The following PRR11 variants were observed in gnomAD, a reference collection of about 807,000 sequenced individuals.
PRR11 encodes the protein proline rich 11.
In PRR11, 30 loss-of-function variants were observed where a neutral mutation model predicts 45.6. The ratio of observed to expected loss-of-function variants is 0.66; its 90% CI spans 0.49 to 0.89. The LOEUF is 0.89. PRR11 is among the 40% of genes least tolerant of loss of function. PRR11 has a pLI of 0.00. For missense variants in PRR11, 373 were observed against 424.8 expected, an observed-to-expected ratio of 0.88 and a Z score of 1.07; for synonymous variants, 128 against 153.5, an observed-to-expected ratio of 0.83 and a Z score of 1.23.
chr17:59,197,099 G>A (rs1054794453), intron 7 of PRR11, among the ~76,000 whole-genome samples: 5 of 151,648 alleles, frequency 3.3e-5, no homozygotes, highest in Admixed American at 1.3e-4. Context: ...CATCTGCCTC[G>A]GCCTCCTAAA....
At chr17:59,184,805 T>TTTGCATA (rs2046805427) in intron 2 of PRR11, among the ~76,000 whole-genome samples, 2 of 151,914 alleles carry the variant, frequency 1.3e-5, no homozygotes, top group African/African-American at 2.4e-5. Flanking sequence ...TCAAACCTGG[T>TTTGCATA]TTGCATATTC....
intron 1 of PRR11, among the ~76,000 whole-genome samples, chr17:59,169,093 C>CTTTTTTTTT (rs780548478): frequency 1.9e-5 from 2 of 106,726 alleles, no homozygotes; most frequent in African/African-American, 7.9e-5. Context: ...GAAACATATT[C>CTTTTTTTTT]TTTTTTTTTT....
intron 2 of PRR11, chr17:59,181,722 T>G: frequency 6.4e-7 from 1 of 1,555,464 alleles, no homozygotes; most frequent in Non-Finnish European, 8.7e-7. Flanking sequence ...GGGACCTACA[T>G]GGGAGGCTGG....
Position 59,190,298 on chromosome 17 carries a change from C to T in PRR11, c.403-3194C>T, listed in dbSNP as rs530667228. Reference sequence around the variant, plus strand: ...CATCCTAGCCAACATGGTGAAACCCCGTCCCTACTAAAAATACAAAAAAAT... The same window carrying T: ...CATCCTAGCCAACATGGTGAAACCCTGTCCCTACTAAAAATACAAAAAAAT... On this transcript the variant is annotated intron_variant, in intron 4 of 9. Coordinates refer to ENST00000262293, the MANE Select transcript of PRR11 (RefSeq NM_018304.4). Among the ~76,000 whole-genome samples, 7 of 152,098 alleles carry T rather than the reference C, an allele frequency of 4.6e-5. No homozygotes were observed. The South Asian group carries it at 8.3e-4, about 18-fold the overall frequency.
chr17:59,195,347 A>C lies in PRR11; in HGVS notation c.761A>C (p.Lys254Thr), dbSNP rs1208638362. The change falls in exon 7 of 10, where the codon AAA (lysine) becomes ACA (threonine). Residue 254 changes from lysine to threonine, a missense_variant. Transcript: ENST00000262293. ...DEKRKLIPSP[K>T]ARNPLVTVSD... Reference sequence around the variant, plus strand: ...TAATTAAAGCTTATACCATCGCCGAAAGCACGGAATCCACTAGTTACCGTC... The same window carrying C: ...TAATTAAAGCTTATACCATCGCCGACAGCACGGAATCCACTAGTTACCGTC... 6.2e-7 allele frequency: 1 copy of C among 1,613,582 alleles called. No individual in the cohort carries two copies. Among genetic ancestry groups the C allele is most frequent in the Admixed American group, 1.7e-5 (1 of 60,012 alleles).
chr17:59,195,443 T>C lies in PRR11; in HGVS notation c.857T>C (p.Ile286Thr), dbSNP rs1266609469. Residue 286 changes from isoleucine (I) to threonine (T), a missense_variant and splice_region_variant, in exon 7 of 10, where the codon ATC becomes ACC. Transcript: ENST00000262293. ...TCGACTCGAGTTACAAACGTCTTAA[T>C]GTAAGGAACTGCACAGTACTATGCT... ...VLSTRVTNVL[I>T]TPGKSQMDLR... 2 of 1,563,174 alleles carry C rather than the reference T, an allele frequency of 1.3e-6. No individual in the cohort carries two copies. Among genetic ancestry groups the C allele is most frequent in the African/African-American group, 1.4e-5 (1 of 73,774 alleles).
chr17:59,172,207 A>C (rs2046712725), intron 2 of PRR11, among the ~76,000 whole-genome samples: 1 of 152,206 alleles, frequency 6.6e-6, no homozygotes, highest in African/African-American at 2.4e-5. Context: ...GGACTGTGGC[A>C]ACCAAGTCCA....
At chr17:59,191,597 A>G (rs972548232) in intron 4 of PRR11, among the ~76,000 whole-genome samples, 3 of 152,144 alleles carry the variant, frequency 2.0e-5, no homozygotes, top group African/African-American at 7.2e-5. Context: ...CTCCAGCCTC[A>G]GGAAGTTAAT....
intron 6 of PRR11, 66 bp downstream of exon 6, chr17:59,194,921 C>T (rs1464221851): frequency 3.7e-6 from 5 of 1,352,646 alleles, no homozygotes; most frequent in Non-Finnish European, 5.2e-6. Flanking sequence ...TGCCTATAAT[C>T]CCAGCACTTT....
chr17:59,167,574 G>A (rs1005959282), intron 1 of PRR11, among the ~76,000 whole-genome samples: 3 of 152,188 alleles, frequency 2.0e-5, no homozygotes, highest in Non-Finnish European at 4.4e-5. Context: ...CAGAGCAGTG[G>A]CATGGGCTGC....
chr17:59,174,926 C>G, intron 2 of PRR11: 1 of 1,049,202 alleles, frequency 9.5e-7, no homozygotes, highest in African/African-American at 1.6e-5. Flanking sequence ...CTGATTCCTC[C>G]CCACCTCCTC....
rs1301342839 is a variant in PRR11 at position 59,205,251 on chromosome 17, A to G, written c.*3620A>G. Among the ~76,000 whole-genome samples the G allele has an allele frequency of 6.6e-6, 1 of 152,132 alleles. No homozygotes were observed. Among genetic ancestry groups the G allele is most frequent in the Non-Finnish European group, 1.5e-5 (1 of 68,028 alleles). ...CTATGGCTTCCTTAAACTACGATTT[A>G]TCATATGCTCCCGGTGTTTACTTTG... On this transcript the variant is annotated 3_prime_UTR_variant, in exon 10 of 10. Transcript: ENST00000262293.
At chr17:59,182,152 C>G (rs1465639837) in intron 2 of PRR11, among the ~76,000 whole-genome samples, 1 of 151,778 alleles carries the variant, frequency 6.6e-6, no homozygotes, top group Non-Finnish European at 1.5e-5. Flanking sequence ...CTCAGCCTCT[C>G]AGGTAGCTGG....
intron 2 of PRR11, among the ~76,000 whole-genome samples, chr17:59,175,954 C>T (rs1281589881): frequency 6.6e-6 from 1 of 152,150 alleles, no homozygotes; most frequent in African/African-American, 2.4e-5. Flanking sequence ...AAGACCCTGC[C>T]TTCTACAGGC....
At chr17:59,179,647 A>C (rs753347876) in intron 2 of PRR11, 151 of 1,505,874 alleles carry the variant, frequency 1.0e-4, no homozygotes, top group Admixed American at 3.3e-4. Flanking sequence ...GTGTCCTCCT[A>C]CCAAGCAGCC....
intron 2 of PRR11, among the ~76,000 whole-genome samples, chr17:59,170,857 T>C (rs188188877): frequency 1.3e-5 from 2 of 152,350 alleles, no homozygotes; most frequent in East Asian, 3.8e-4. Context: ...TCACACTCAC[T>C]GTGAAGGTGA....
intron 2 of PRR11, among the ~76,000 whole-genome samples, chr17:59,172,509 C>T (rs551972239): frequency 2.6e-5 from 4 of 152,312 alleles, no homozygotes; most frequent in East Asian, 1.9e-4. Flanking sequence ...CCTCAGCTTG[C>T]GGGGAGGTGT....
intron 9 of PRR11, among the ~76,000 whole-genome samples, chr17:59,199,329 C>T (rs1299693975): frequency 1.3e-5 from 2 of 152,092 alleles, no homozygotes; most frequent in African/African-American, 2.4e-5. Flanking sequence ...GGTGAGGGAT[C>T]ATGGCCTATT....
In PRR11 at chr17:59,185,520, CA is replaced by C; in HGVS notation, c.361del (p.Ile121PhefsTer13). The C allele has an allele frequency of 6.2e-7, 1 of 1,610,246 alleles. No homozygotes were observed. Among genetic ancestry groups the C allele is most frequent in the Non-Finnish European group, 8.5e-7 (1 of 1,178,988 alleles). On this transcript the variant is annotated frameshift_variant, in exon 4 of 10. Transcript: ENST00000262293. LOFTEE classifies it high-confidence loss of function. ...TTTACAGTGTAAAACAACAGTTTTG[CA>C]TTTTGGAAAGTAAATTATGCAAGCT... ...ELYSVKQQFC[I>X]LESKLCKLQE...
Sources: gnomAD v4.1 joint callset for allele counts (sites outside exome capture counted in the v4.1 genomes callset) on GRCh38, gnomAD v4.1.1 for gene constraint, MANE v1.5 for transcripts, NCBI Gene and HGNC (gene_info 2026-07-23, HGNC 2026-07-21) for gene names.